Variants in IMMP2L observed in about 807,000 individuals in gnomAD.
The protein encoded by IMMP2L is mitochondrial inner membrane protease subunit 2.
Under a neutral mutation model 19.3 loss-of-function variants are expected in IMMP2L, and 18 were observed. That is an observed-to-expected ratio of 0.93 (90% CI 0.64 to 1.38). The LOEUF (loss-of-function observed/expected upper bound fraction) is 1.38. Ranked by LOEUF, IMMP2L falls within the 40% of genes most tolerant of loss-of-function variation. The probability of loss-of-function intolerance (pLI) is 0.00; values close to 1 mark genes in which losing one functional copy is unlikely to be tolerated. For synonymous variants in IMMP2L, 76 were observed against 73.0 expected, an observed-to-expected ratio of 1.04 and a Z score of -0.21; for missense variants, 233 against 218.2, an observed-to-expected ratio of 1.07 and a Z score of -0.43.
chr7:111,056,818 C>T (rs947117828), intron 3 of IMMP2L, among the ~76,000 whole-genome samples: 1 of 152,094 alleles, frequency 6.6e-6, no homozygotes, highest in Non-Finnish European at 1.5e-5. Flanking sequence ...TAAAGGTCTT[C>T]ATCCTCAATC....
Position 111,073,247 on chromosome 7 carries a change from C to T in IMMP2L, c.240-109682G>A, listed in dbSNP as rs563273030. ...ACACATAAACACACTCATATACAGC[C>T]ATATCGCTATATGTGTGTGGTGGGG... On this transcript the variant is annotated intron_variant, in intron 3 of 5. Transcript: ENST00000405709. 7.9e-5 allele frequency among the ~76,000 whole-genome samples: 12 copies of T among 152,020 alleles called. No homozygotes were observed. The South Asian group carries it at 2.5e-3, about 32-fold the overall frequency.
chr7:110,792,776 A>G (rs1439800108), intron 5 of IMMP2L, among the ~76,000 whole-genome samples: 1 of 152,112 alleles, frequency 6.6e-6, no homozygotes, highest in Non-Finnish European at 1.5e-5. Context: ...AATGAATGAC[A>G]TGTATCCACC....
intron 3 of IMMP2L, among the ~76,000 whole-genome samples, chr7:111,036,820 A>G (rs1791404582): frequency 6.6e-6 from 1 of 152,164 alleles, no homozygotes; most frequent in Non-Finnish European, 1.5e-5. Context: ...AACATGTTCA[A>G]AACTGGGGTC....
chr7:110,919,595 C>T (rs1382838869), intron 4 of IMMP2L, among the ~76,000 whole-genome samples: 1 of 151,954 alleles, frequency 6.6e-6, no homozygotes, highest in Non-Finnish European at 1.5e-5. Context: ...TGTTTGCATA[C>T]CGGAGAGGAG....
At chr7:111,065,449 T>C (rs1794401515) in intron 3 of IMMP2L, among the ~76,000 whole-genome samples, 2 of 152,318 alleles carry the variant, frequency 1.3e-5, no homozygotes, top group Non-Finnish European at 2.9e-5. Context: ...TGATTAATAC[T>C]GAGTGTCAAC....
intron 5 of IMMP2L, among the ~76,000 whole-genome samples, chr7:110,718,617 T>A (rs759601851): frequency 6.6e-6 from 1 of 152,034 alleles, no homozygotes; most frequent in Non-Finnish European, 1.5e-5. Flanking sequence ...TGGGAGGAGG[T>A]TGGCAATCGT....
At chr7:110,774,665 G>C (rs1447307818) in intron 5 of IMMP2L, among the ~76,000 whole-genome samples, 1 of 151,912 alleles carries the variant, frequency 6.6e-6, no homozygotes, top group Admixed American at 6.6e-5. Context: ...ACTTACACTT[G>C]TGTTACAAGT....
intron 3 of IMMP2L, among the ~76,000 whole-genome samples, chr7:111,289,578 T>C (rs1413528281): frequency 6.6e-6 from 1 of 152,152 alleles, no homozygotes; most frequent in Non-Finnish European, 1.5e-5. Flanking sequence ...AAGTTATTCT[T>C]TCTGTCGCTT....
intron 1 of IMMP2L, among the ~76,000 whole-genome samples, chr7:111,524,829 G>A (rs1190370815): frequency 6.6e-6 from 1 of 151,974 alleles, no homozygotes; most frequent in Non-Finnish European, 1.5e-5. Flanking sequence ...TAACCTCTAC[G>A]TGGTTCCATC....
chr7:111,096,905 C>T (rs1004852458), intron 3 of IMMP2L: 3 of 151,910 alleles, frequency 2.0e-5, no homozygotes, highest in African/African-American at 7.2e-5. Context: ...AACTTACATA[C>T]ATTATTCTGT....
At chr7:111,068,757 G>A (rs561256371) in intron 3 of IMMP2L, among the ~76,000 whole-genome samples, 1 of 152,176 alleles carries the variant, frequency 6.6e-6, no homozygotes, top group Admixed American at 6.5e-5. Context: ...ACAGAAAATA[G>A]CAACATTAAT....
intron 3 of IMMP2L, among the ~76,000 whole-genome samples, chr7:111,473,481 G>A (rs886180099): frequency 1.3e-5 from 2 of 151,992 alleles, no homozygotes; most frequent in Admixed American, 1.3e-4. Context: ...TCCCTTTTTG[G>A]CTTACTATAT....
chr7:110,995,368 GTTAT>G (rs1316053562), intron 3 of IMMP2L, among the ~76,000 whole-genome samples: 1 of 152,128 alleles, frequency 6.6e-6, no homozygotes, highest in African/African-American at 2.4e-5. Context: ...CATATTTATA[GTTAT>G]TTATTGATCA....
chr7:111,395,258 A>C (rs773914614), intron 3 of IMMP2L, among the ~76,000 whole-genome samples: 5 of 152,138 alleles, frequency 3.3e-5, no homozygotes, highest in Non-Finnish European at 5.9e-5. Context: ...GTATCAAGTT[A>C]TATTTTCTAT....
At chr7:110,767,492 C>T (rs1798747081) in intron 5 of IMMP2L, among the ~76,000 whole-genome samples, 2 of 152,118 alleles carry the variant, frequency 1.3e-5, no homozygotes, top group Non-Finnish European at 1.5e-5. Flanking sequence ...TAACAGTGTC[C>T]TTTACCAAAC....
At chr7:111,400,337 T>C (rs1052642213) in intron 3 of IMMP2L, among the ~76,000 whole-genome samples, 4 of 152,308 alleles carry the variant, frequency 2.6e-5, no homozygotes, top group Non-Finnish European at 4.4e-5. Flanking sequence ...TTTTAGACTG[T>C]GGTGAACAAT....
intron 3 of IMMP2L, among the ~76,000 whole-genome samples, chr7:111,270,057 C>CTGTGTGTGTGTGTGTG (rs58848663): frequency 5.7e-5 from 8 of 140,522 alleles, no homozygotes; most frequent in African/African-American, 1.8e-4. Context: ...GCATGTGTGT[C>CTGTGTGTGTGTGTGTG]TGTGTGTGTG....
At chr7:110,780,919 C>CA (rs1799694057) in intron 5 of IMMP2L, among the ~76,000 whole-genome samples, 2 of 151,940 alleles carry the variant, frequency 1.3e-5, no homozygotes, top group South Asian at 4.2e-4. Flanking sequence ...AGAGCAGTTC[C>CA]ACCAGTGTGG....
intron 3 of IMMP2L, among the ~76,000 whole-genome samples, chr7:111,080,522 T>G: frequency 6.6e-6 from 1 of 151,606 alleles, no homozygotes; most frequent in Non-Finnish European, 1.5e-5. Flanking sequence ...GTGTGTATAA[T>G]ATATATTACA....
Sources: gnomAD v4.1 joint callset for allele counts (sites outside exome capture counted in the v4.1 genomes callset) on GRCh38, gnomAD v4.1.1 for gene constraint, MANE v1.5 for transcripts, NCBI Gene and HGNC (gene_info 2026-07-23, HGNC 2026-07-21) for gene names.